Variants in PCDHGA1 observed in about 807,000 individuals in gnomAD.
The protein encoded by PCDHGA1 is protocadherin gamma-A1.
In PCDHGA1, 32 loss-of-function variants were observed where a neutral mutation model predicts 58.0. The ratio of observed to expected loss-of-function variants is 0.55; its 90% CI spans 0.42 to 0.74. PCDHGA1 has a LOEUF of 0.74. Among genes scored for constraint, PCDHGA1 ranks in the 30% least tolerant of loss-of-function variants. The probability of loss-of-function intolerance (pLI) is 0.00; values close to 1 mark genes in which losing one functional copy is unlikely to be tolerated. For synonymous variants in PCDHGA1, 498 were observed against 501.1 expected, an observed-to-expected ratio of 0.99 and a Z score of 0.08; for missense variants, 1,205 against 1,182.3, an observed-to-expected ratio of 1.02 and a Z score of -0.28.
chr5:141,352,541 T>C, intron 1 of PCDHGA1: 1 of 1,613,748 alleles, frequency 6.2e-7, no homozygotes, highest in South Asian at 1.1e-5. Context: ...AAAGACAGAG[T>C]TTAATTCTCT....
At chr5:141,453,377 T>TC (rs1242854086) in intron 1 of PCDHGA1, among the ~76,000 whole-genome samples, 3 of 152,072 alleles carry the variant, frequency 2.0e-5, no homozygotes, top group Admixed American at 2.0e-4. Context: ...CAAGTGATCC[T>TC]CCTGCCTTAG....
intron 1 of PCDHGA1, among the ~76,000 whole-genome samples, chr5:141,439,635 C>T (rs1326926948): frequency 3.3e-5 from 5 of 152,274 alleles, no homozygotes; most frequent in Middle Eastern, 3.4e-3. Context: ...CCAGACATTC[C>T]GGCTTGGTGG....
At chr5:141,395,423 C>A in intron 1 of PCDHGA1, 1 of 731,386 alleles carries the variant, frequency 1.4e-6, no homozygotes, top group Non-Finnish European at 2.1e-6. Context: ...GTTTCATTTG[C>A]TTTTAAACGA....
chr5:141,348,459 A>G (rs1758124154), intron 1 of PCDHGA1, among the ~76,000 whole-genome samples: 1 of 152,228 alleles, frequency 6.6e-6, no homozygotes, highest in Non-Finnish European at 1.5e-5. Flanking sequence ...AAATGTTTAT[A>G]GTATTAGTAT....
chr5:141,355,530 A>G (rs753782818), intron 1 of PCDHGA1: 3 of 1,614,092 alleles, frequency 1.9e-6, no homozygotes, highest in Non-Finnish European at 2.5e-6. Context: ...AGATTCTTCT[A>G]GAAGATACAG....
chr5:141,420,186 C>A, intron 1 of PCDHGA1: 1 of 1,613,696 alleles, frequency 6.2e-7, no homozygotes, highest in Non-Finnish European at 8.5e-7. Context: ...CATTGTCCAG[C>A]CACACAAGAT....
chr5:141,356,423 G>A lies in PCDHGA1; in HGVS notation c.2421+23318G>A, dbSNP rs760964193. ...AATTATTATCGGTTGTTGACACACA[G>A]AACACTGGACAGGGAAGAAGTCTCA... On this transcript the variant is annotated intron_variant, in intron 1 of 3. Coordinates refer to ENST00000517417, the MANE Select transcript of PCDHGA1 (RefSeq NM_018912.3). 1.0e-5 allele frequency: 16 copies of A among 1,606,564 alleles called. No homozygotes were observed. Among genetic ancestry groups the A allele is most frequent in the Non-Finnish European group, 1.4e-5 (16 of 1,175,920 alleles).
intron 1 of PCDHGA1, chr5:141,420,193 A>G: frequency 6.2e-7 from 1 of 1,613,766 alleles, no homozygotes; most frequent in South Asian, 1.1e-5. Context: ...CAGCCACACA[A>G]GATAACCTCA....
Position 141,436,345 on chromosome 5 carries a change from G to A in PCDHGA1, c.2422-58462G>A, listed in dbSNP as rs930858667. 5.9e-4 allele frequency among the ~76,000 whole-genome samples: 90 copies of A among 152,212 alleles called. 1 individual carries two copies. Among genetic ancestry groups the A allele is most frequent in the African/African-American group, 1.7e-3 (69 of 41,540 alleles). ...GTTAGACCATATCTCAAATATCAGT[G>A]ACTTCAATCAACTATGTTTCCAGTT... On this transcript the variant is annotated intron_variant, in intron 1 of 3. Coordinates refer to ENST00000517417, the MANE Select transcript of PCDHGA1 (RefSeq NM_018912.3).
chr5:141,453,546 C>T lies in PCDHGA1; in HGVS notation c.2422-41261C>T, dbSNP rs116481133. Among the ~76,000 whole-genome samples, 695 of 152,296 alleles carry T rather than the reference C, an allele frequency of 4.6e-3. 4 individuals are homozygous for T. Among genetic ancestry groups the T allele is most frequent in the African/African-American group, 0.015 (634 of 41,558 alleles). On this transcript the variant is annotated intron_variant, in intron 1 of 3. Transcript: ENST00000517417. ...TACCTTCTGCCTCATTCACACCACA[C>T]TCTGTAGATAATCGATTTCATTAGT...
chr5:141,422,492 C>G (rs747903569), intron 1 of PCDHGA1: 10 of 1,613,934 alleles, frequency 6.2e-6, no homozygotes, highest in Non-Finnish European at 8.5e-6. Flanking sequence ...TACAATATAA[C>G]GTTGACAGCC....
intron 2 of PCDHGA1, among the ~76,000 whole-genome samples, chr5:141,501,294 C>CAT (rs200497585): frequency 0.16 from 9,924 of 62,810 alleles, 350 homozygotes; most frequent in Non-Finnish European, 0.25. Flanking sequence ...CCCTTATACA[C>CAT]ACACACACAC....
At chr5:141,421,601 T>C (rs1309928984) in intron 1 of PCDHGA1, 19 of 1,613,652 alleles carry the variant, frequency 1.2e-5, no homozygotes, top group Non-Finnish European at 1.6e-5. Context: ...GTGGAAATAA[T>C]AGATATTAAT....
chr5:141,451,326 G>T (rs189445228), intron 1 of PCDHGA1, among the ~76,000 whole-genome samples: 3 of 152,278 alleles, frequency 2.0e-5, no homozygotes, highest in Admixed American at 2.0e-4. Context: ...GTCACCTAAG[G>T]CTATTGTCTT....
intron 1 of PCDHGA1, chr5:141,404,213 A>G: frequency 6.2e-7 from 1 of 1,613,516 alleles, no homozygotes; most frequent in Non-Finnish European, 8.5e-7. Context: ...ATATAATATC[A>G]CGGTGACTGC....
intron 1 of PCDHGA1, chr5:141,393,048 C>A (rs745354934): frequency 3.7e-6 from 6 of 1,613,672 alleles, no homozygotes; most frequent in Non-Finnish European, 5.1e-6. Flanking sequence ...TGCTCTGAAC[C>A]CGCGCAGCGG....
intron 1 of PCDHGA1, chr5:141,441,746 C>A: frequency 5.4e-6 from 2 of 371,314 alleles, no homozygotes; most frequent in East Asian, 9.8e-5. Flanking sequence ...TCGCGCTCGG[C>A]GTCAACGTGA....
chr5:141,481,229 A>G (rs989963485), intron 1 of PCDHGA1, among the ~76,000 whole-genome samples: 5 of 152,212 alleles, frequency 3.3e-5, no homozygotes, highest in African/African-American at 4.8e-5. Context: ...TCCCAGCCTT[A>G]AAGTATTACA....
intron 1 of PCDHGA1, chr5:141,427,862 C>T (rs748112227): frequency 2.6e-6 from 4 of 1,556,778 alleles, no homozygotes; most frequent in East Asian, 4.5e-5. Context: ...TGTGCGCCTT[C>T]GAGCTCACGA....
Sources: allele counts gnomAD v4.1 joint callset (sites outside exome capture counted in the v4.1 genomes callset), GRCh38; gene constraint gnomAD v4.1.1; transcripts MANE v1.5; gene names NCBI Gene and HGNC (gene_info 2026-07-23, HGNC 2026-07-21).